Variants in SLX4IP observed in about 807,000 individuals in gnomAD.
SLX4IP encodes the protein protein SLX4IP.
SLX4IP carries 34 observed loss-of-function variants against 32.9 expected under a neutral mutation model. The observed-to-expected ratio is 1.03, with a 90% CI of 0.79 to 1.38. SLX4IP has a LOEUF of 1.38. Ranked by LOEUF, SLX4IP falls within the 40% of genes most tolerant of loss-of-function variation. The pLI, the probability that SLX4IP is intolerant of heterozygous loss-of-function variation, is 0.00. For missense variants in SLX4IP, 444 were observed against 479.0 expected, an observed-to-expected ratio of 0.93 and a Z score of 0.68; for synonymous variants, 172 against 171.7, an observed-to-expected ratio of 1.00 and a Z score of -0.01.
intron 4 of SLX4IP, among the ~76,000 whole-genome samples, chr20:10,562,564 G>A (rs1738870075): frequency 6.6e-6 from 1 of 152,090 alleles, no homozygotes; most frequent in Non-Finnish European, 1.5e-5. Context: ...GGTAGGCCAT[G>A]GTGTTCTTGG....
chr20:10,493,859 CTTT>C (rs58299545), intron 2 of SLX4IP, among the ~76,000 whole-genome samples: 32 of 70,540 alleles, frequency 4.5e-4, no homozygotes, highest in African/African-American at 1.5e-3. Flanking sequence ...TTATAGTTGC[CTTT>C]TTTTTTTTTT....
chr20:10,535,790 G>A (rs1239132770), intron 2 of SLX4IP, among the ~76,000 whole-genome samples: 2 of 152,204 alleles, frequency 1.3e-5, no homozygotes, highest in African/African-American at 4.8e-5. Flanking sequence ...ACTCACATAT[G>A]CCTGAATTTT....
chr20:10,444,630 C>T (rs184432018), intron 1 of SLX4IP, among the ~76,000 whole-genome samples: 2 of 152,314 alleles, frequency 1.3e-5, no homozygotes, highest in East Asian at 3.9e-4. Flanking sequence ...CCCGCCTCAG[C>T]CTCCCAAAGT....
At chr20:10,548,534 C>T (rs760858613) in intron 2 of SLX4IP, among the ~76,000 whole-genome samples, 5 of 152,164 alleles carry the variant, frequency 3.3e-5, no homozygotes, top group African/African-American at 4.8e-5. Flanking sequence ...CCACCACACC[C>T]GGCCTCTCCA....
intron 2 of SLX4IP, among the ~76,000 whole-genome samples, chr20:10,533,269 C>A (rs751569596): frequency 6.6e-6 from 1 of 152,130 alleles, no homozygotes; most frequent in African/African-American, 2.4e-5. Context: ...CTCATGTCTT[C>A]TCGATGGTCT....
chr20:10,496,256 C>T (rs368417406), intron 2 of SLX4IP, among the ~76,000 whole-genome samples: 186 of 152,164 alleles, frequency 1.2e-3, no homozygotes, highest in Non-Finnish European at 1.6e-3. Flanking sequence ...ATCCATCACC[C>T]GAGCATTGAT....
chr20:10,605,756 G>C (rs1463879000), intron 6 of SLX4IP, among the ~76,000 whole-genome samples: 2 of 152,140 alleles, frequency 1.3e-5, no homozygotes, highest in Non-Finnish European at 2.9e-5. Flanking sequence ...AGCCATACAA[G>C]GCTAGGTCCT....
At chr20:10,468,641 C>G (rs1347231370) in intron 2 of SLX4IP, among the ~76,000 whole-genome samples, 2 of 152,124 alleles carry the variant, frequency 1.3e-5, no homozygotes, top group Admixed American at 6.6e-5. Flanking sequence ...CCTTTTCTTC[C>G]TTGGTCCACA....
intron 4 of SLX4IP, 104 bp from the exon 5 acceptor site, chr20:10,598,571 C>G: frequency 4.6e-6 from 5 of 1,077,750 alleles, no homozygotes; most frequent in Non-Finnish European, 7.1e-6. Flanking sequence ...GCTTCATTTG[C>G]TAAATAACTA....
chr20:10,523,855 C>G (rs572635747), intron 2 of SLX4IP, among the ~76,000 whole-genome samples: 1 of 152,346 alleles, frequency 6.6e-6, no homozygotes, highest in Non-Finnish European at 1.5e-5. Context: ...TAGCTGCAAC[C>G]AAATTCTTAT....
At chr20:10,543,878 G>A (rs1048065639) in intron 2 of SLX4IP, among the ~76,000 whole-genome samples, 4 of 152,212 alleles carry the variant, frequency 2.6e-5, no homozygotes, top group Non-Finnish European at 5.9e-5. Context: ...AGTCATGGCA[G>A]CTAAGAATAT....
chr20:10,462,192 A>G (rs1320278022), intron 2 of SLX4IP, among the ~76,000 whole-genome samples: 1 of 152,222 alleles, frequency 6.6e-6, no homozygotes, highest in Non-Finnish European at 1.5e-5. Flanking sequence ...AGAAAACCAC[A>G]AGAAAATTAG....
intron 4 of SLX4IP, among the ~76,000 whole-genome samples, chr20:10,596,002 G>A (rs2066766840): frequency 6.6e-6 from 1 of 152,128 alleles, no homozygotes; most frequent in Admixed American, 6.5e-5. Context: ...TAGGGGTCAA[G>A]GTTTCAATAA....
At chr20:10,562,422 A>G (rs906097831) in intron 4 of SLX4IP, among the ~76,000 whole-genome samples, 1 of 151,992 alleles carries the variant, frequency 6.6e-6, no homozygotes, top group Non-Finnish European at 1.5e-5. Context: ...CCCGCTGTCC[A>G]TGGCCTGCCG....
intron 5 of SLX4IP, 45 bp downstream of exon 5, chr20:10,598,797 G>A (rs1340545411): frequency 7.0e-6 from 11 of 1,575,338 alleles, no homozygotes; most frequent in South Asian, 1.1e-5. Flanking sequence ...CACACAATCT[G>A]CTTGCCCTAG....
At chr20:10,553,036 A>G (rs1485373393) in intron 2 of SLX4IP, among the ~76,000 whole-genome samples, 2 of 152,170 alleles carry the variant, frequency 1.3e-5, no homozygotes, top group Non-Finnish European at 2.9e-5. Flanking sequence ...TTGGAACTTC[A>G]ATGGGCCTGT....
At chr20:10,476,333 C>G (rs1407083064) in intron 2 of SLX4IP, among the ~76,000 whole-genome samples, 1 of 152,180 alleles carries the variant, frequency 6.6e-6, no homozygotes, top group Admixed American at 6.5e-5. Context: ...AATTTTGAAG[C>G]ACTGAATGCA....
intron 4 of SLX4IP, among the ~76,000 whole-genome samples, chr20:10,572,368 C>T (rs2066476369): frequency 6.6e-6 from 1 of 152,132 alleles, no homozygotes; most frequent in Non-Finnish European, 1.5e-5. Flanking sequence ...AAAAACACAT[C>T]TGTCTTTAAA....
chr20:10,529,069 T>G (rs630569), intron 2 of SLX4IP, among the ~76,000 whole-genome samples: 86,690 of 152,036 alleles, frequency 0.57, 25,423 homozygotes, highest in South Asian at 0.75. Context: ...GCTTTCCATA[T>G]TCTCTATTTT....
Sources: allele counts gnomAD v4.1 joint callset (sites outside exome capture counted in the v4.1 genomes callset), GRCh38; gene constraint gnomAD v4.1.1; transcripts MANE v1.5; gene names NCBI Gene and HGNC (gene_info 2026-07-23, HGNC 2026-07-21).